AKAP13: variants seen among roughly 807,000 people sequenced by gnomAD.
AKAP13 encodes the protein A-kinase anchor protein 13.
In AKAP13, 80 loss-of-function variants were observed where a neutral mutation model predicts 264.5. The ratio of observed to expected loss-of-function variants is 0.30; its 90% confidence interval spans 0.25 to 0.36. AKAP13 has a LOEUF of 0.36. Among genes scored for constraint, AKAP13 ranks in the 10% least tolerant of loss-of-function variants. AKAP13 has a pLI of 1.00. For missense variants in AKAP13, 3,712 were observed against 3,435.2 expected (o/e 1.08, Z -2.01); for synonymous variants, 1,380 against 1,250.2 (o/e 1.10, Z -2.19).
At chr15:85,693,198 C>T in intron 16 of AKAP13, 79 bp from the exon 17 acceptor site, 1 of 1,435,234 alleles carries the variant, frequency 7.0e-7, no homozygotes, top group Non-Finnish European at 9.1e-7. Context: ...TTGTTAACCA[C>T]ATGCCATCTG....
chr15:85,559,149 A>C (rs2078261062), intron 5 of AKAP13, among the ~76,000 whole-genome samples: 1 of 152,138 alleles, frequency 6.6e-6, no homozygotes, highest in Non-Finnish European at 1.5e-5. Context: ...CGCTTTGAAA[A>C]TAATTTTCAG....
intron 8 of AKAP13, among the ~76,000 whole-genome samples, chr15:85,586,071 T>A: frequency 6.6e-6 from 1 of 152,206 alleles, no homozygotes; most frequent in East Asian, 1.9e-4. Context: ...TGAAAAACAT[T>A]TTCCCCTTGA....
chr15:85,564,446 G>A (rs2078532415), intron 5 of AKAP13, among the ~76,000 whole-genome samples: 2 of 152,250 alleles, frequency 1.3e-5, no homozygotes, highest in South Asian at 4.1e-4. Context: ...TATTTCCTAA[G>A]AACAAGGACA....
At chr15:85,481,922 T>C (rs190133453) in intron 1 of AKAP13, among the ~76,000 whole-genome samples, 6 of 152,338 alleles carry the variant, frequency 3.9e-5, no homozygotes, top group East Asian at 1.9e-4. Context: ...TGGATGGGCA[T>C]GATGTGTTTC....
chr15:85,386,992 G>A (rs57564042), intron 1 of AKAP13, among the ~76,000 whole-genome samples: 9,606 of 152,170 alleles, frequency 0.063, 533 homozygotes, highest in East Asian at 0.3. Context: ...TCATCTTGCT[G>A]TTATCCACAA....
intron 5 of AKAP13, chr15:85,555,566 C>T: frequency 9.7e-7 from 1 of 1,028,550 alleles, no homozygotes; most frequent in Non-Finnish European, 1.3e-6. Context: ...TGGCTTTTTG[C>T]TGTAACTCAA....
intron 1 of AKAP13, among the ~76,000 whole-genome samples, chr15:85,397,366 A>G (rs142874747): frequency 2.8e-4 from 42 of 152,338 alleles, no homozygotes; most frequent in African/African-American, 9.4e-4. Context: ...TCTAAAGATG[A>G]TCACTTTATT....
intron 4 of AKAP13, chr15:85,536,872 G>A (rs2077418238): frequency 6.6e-6 from 1 of 152,132 alleles, no homozygotes; most frequent in African/African-American, 2.4e-5. Context: ...TTGGGTTGTT[G>A]GAGTTGTTTT....
intron 7 of AKAP13, among the ~76,000 whole-genome samples, chr15:85,584,577 T>C (rs1014720437): frequency 1.3e-5 from 2 of 152,216 alleles, no homozygotes; most frequent in African/African-American, 4.8e-5. Context: ...TTTGGTTCTT[T>C]GGGCAAGGAA....
chr15:85,544,255 G>A (rs1006030860), intron 5 of AKAP13: 2 of 483,224 alleles, frequency 4.1e-6, no homozygotes, highest in African/African-American at 3.9e-5. Flanking sequence ...GTCTGTGGAG[G>A]TAGCATAACA....
intron 12 of AKAP13, among the ~76,000 whole-genome samples, chr15:85,660,700 C>T (rs191685815): frequency 6.6e-6 from 1 of 152,190 alleles, no homozygotes; most frequent in Non-Finnish European, 1.5e-5. Flanking sequence ...CTTCTCCTCA[C>T]ACAAGTAAAT....
chr15:85,642,732 G>A (rs2151481631), intron 9 of AKAP13, among the ~76,000 whole-genome samples: 1 of 152,250 alleles, frequency 6.6e-6, no homozygotes, highest in Admixed American at 6.5e-5. Context: ...TCTGGGTGAG[G>A]TATTCCTCCC....
At chr15:85,691,987 T>G in intron 16 of AKAP13, 1 of 429,306 alleles carries the variant, frequency 2.3e-6, no homozygotes, top group Non-Finnish European at 4.7e-6. Context: ...GGGACTTCCT[T>G]TCCCTGGAAC....
chr15:85,692,569 A>C (rs1597079875), intron 16 of AKAP13, among the ~76,000 whole-genome samples: 1 of 152,086 alleles, frequency 6.6e-6, no homozygotes, highest in South Asian at 2.1e-4. Context: ...GAGGTCTGGT[A>C]CCATCGTCCG....
At chr15:85,446,871 A>G (rs2073918890) in intron 1 of AKAP13, among the ~76,000 whole-genome samples, 1 of 152,344 alleles carries the variant, frequency 6.6e-6, no homozygotes, top group South Asian at 2.1e-4. Context: ...TAAAGGCAGC[A>G]TAAATATCTG....
intron 1 of AKAP13, among the ~76,000 whole-genome samples, chr15:85,467,795 G>A (rs1363366750): frequency 6.6e-6 from 1 of 152,184 alleles, no homozygotes; most frequent in African/African-American, 2.4e-5. Context: ...CATTTCAGGG[G>A]TTGATATTTC....
At chr15:85,527,199 G>A (rs866921852) in intron 3 of AKAP13, among the ~76,000 whole-genome samples, 14 of 152,112 alleles carry the variant, frequency 9.2e-5, no homozygotes, top group Admixed American at 5.2e-4. Context: ...TCCTGACCTC[G>A]TGATCCGCCC....
intron 3 of AKAP13, among the ~76,000 whole-genome samples, chr15:85,532,175 A>G (rs1178240587): frequency 2.0e-5 from 3 of 152,154 alleles, no homozygotes; most frequent in Non-Finnish European, 2.9e-5. Flanking sequence ...AATGTTTCCT[A>G]CCACCCTAAA....
intron 8 of AKAP13, among the ~76,000 whole-genome samples, chr15:85,597,569 C>A (rs555792016): frequency 1.3e-5 from 2 of 152,244 alleles, no homozygotes; most frequent in East Asian, 3.9e-4. Context: ...CGCTTGATCC[C>A]TTTGTTGTGG....
Sources: gnomAD v4.1 joint callset for allele counts (sites outside exome capture counted in the v4.1 genomes callset) on GRCh38, gnomAD v4.1.1 for gene constraint, MANE v1.5 for transcripts, NCBI Gene and HGNC (gene_info 2026-07-23, HGNC 2026-07-21) for gene names.